The following CTNND2 variants were observed in gnomAD, a reference collection of about 807,000 sequenced individuals.
The protein encoded by CTNND2 is catenin delta 2.
CTNND2 carries 22 observed loss-of-function variants against 144.4 expected under a neutral mutation model. The ratio of observed to expected loss-of-function variants is 0.15; its 90% confidence interval spans 0.11 to 0.22. CTNND2 has a LOEUF of 0.22. CTNND2 is among the 10% of genes least tolerant of loss of function. The pLI is 1.00. For synonymous variants in CTNND2, 751 were observed against 695.6 expected (o/e 1.08, Z -1.25); for missense variants, 1,353 against 1,618.8 (o/e 0.84, Z 2.82).
chr5:11,591,986 C>G (rs530070983), intron 2 of CTNND2, among the ~76,000 whole-genome samples: 19 of 152,094 alleles, frequency 1.2e-4, no homozygotes, highest in African/African-American at 4.3e-4. Flanking sequence ...TACCCACCCC[C>G]CAACCCCTGA....
intron 16 of CTNND2, among the ~76,000 whole-genome samples, chr5:11,069,393 AAAG>A (rs1228437775): frequency 6.6e-6 from 1 of 152,178 alleles, no homozygotes; most frequent in Non-Finnish European, 1.5e-5. Flanking sequence ...AGTAGATAGA[AAAG>A]GAGGTGAAAG....
chr5:11,021,939 T>A (rs1213203334), intron 17 of CTNND2, among the ~76,000 whole-genome samples: 4 of 152,156 alleles, frequency 2.6e-5, no homozygotes, highest in Non-Finnish European at 1.5e-5. Flanking sequence ...TTAATTAAGG[T>A]TAGTGAAGGT....
intron 3 of CTNND2, among the ~76,000 whole-genome samples, chr5:11,463,453 G>A (rs1417836107): frequency 6.6e-6 from 1 of 152,106 alleles, no homozygotes; most frequent in East Asian, 1.9e-4. Flanking sequence ...AGGTTTATAA[G>A]CACATACATG....
intron 2 of CTNND2, among the ~76,000 whole-genome samples, chr5:11,582,815 A>G (rs1439131018): frequency 6.6e-6 from 1 of 152,226 alleles, no homozygotes; most frequent in African/African-American, 2.4e-5. Flanking sequence ...AGAAAGTTAT[A>G]TTAAAAACAC....
At position 10,972,283 on chromosome 5, in the gene CTNND2, C is replaced by T. The variant is rs1296662729; in HGVS notation, c.*1170G>A. On this transcript the variant is annotated 3_prime_UTR_variant, in exon 22 of 22. Transcript: ENST00000304623. Reference sequence around the variant, plus strand: ...TCAACTGGCCTAATATCCTGAGTCACTAGATGGTCAGAAGAATAGATACAG... The same window carrying T: ...TCAACTGGCCTAATATCCTGAGTCATTAGATGGTCAGAAGAATAGATACAG... 1.3e-5 allele frequency: 2 copies of T among 152,558 alleles called. No homozygotes were observed. Among genetic ancestry groups the T allele is most frequent in the East Asian group, 3.8e-4 (2 of 5,198 alleles). 9.5% of individuals were successfully genotyped at this position (152,558 alleles called of 1,614,324 possible).
At chr5:11,535,119 C>CAG (rs1408276578) in intron 3 of CTNND2, among the ~76,000 whole-genome samples, 1 of 150,118 alleles carries the variant, frequency 6.7e-6, no homozygotes, top group African/African-American at 2.5e-5. Context: ...ACCCAGGAGG[C>CAG]AGAGGTTGCA....
chr5:11,321,487 T>C (rs762878179), intron 9 of CTNND2, among the ~76,000 whole-genome samples: 1 of 152,162 alleles, frequency 6.6e-6, no homozygotes, highest in Non-Finnish European at 1.5e-5. Flanking sequence ...ACCTTCTCCA[T>C]CATGCCTGCA....
chr5:11,486,344 A>T (rs1768827284), intron 3 of CTNND2, among the ~76,000 whole-genome samples: 3 of 152,206 alleles, frequency 2.0e-5, no homozygotes, highest in Admixed American at 2.0e-4. Context: ...CTAGGTGATA[A>T]TATCCAGTAG....
chr5:11,101,676 GT>G (rs1751891728), intron 14 of CTNND2, among the ~76,000 whole-genome samples: 1 of 152,166 alleles, frequency 6.6e-6, no homozygotes, highest in East Asian at 1.9e-4. Flanking sequence ...AACTGTGTTC[GT>G]TTTGGACTAT....
At chr5:11,671,068 G>T (rs1460414865) in intron 2 of CTNND2, among the ~76,000 whole-genome samples, 1 of 152,192 alleles carries the variant, frequency 6.6e-6, no homozygotes, top group Non-Finnish European at 1.5e-5. Flanking sequence ...ATTCTGGTTT[G>T]AAAATTCTTT....
At chr5:11,045,689 G>A (rs1745168735) in intron 16 of CTNND2, among the ~76,000 whole-genome samples, 1 of 152,012 alleles carries the variant, frequency 6.6e-6, no homozygotes, top group South Asian at 2.1e-4. Flanking sequence ...TAGCCCACTT[G>A]GATAATCTAG....
chr5:11,085,815 C>T (rs1277819879), intron 15 of CTNND2, among the ~76,000 whole-genome samples: 10 of 152,260 alleles, frequency 6.6e-5, no homozygotes, highest in African/African-American at 2.4e-4. Context: ...GGACAAGCCC[C>T]CCTCCATGGA....
intron 9 of CTNND2, among the ~76,000 whole-genome samples, chr5:11,240,419 CT>C (rs1561075527): frequency 1.4e-4 from 18 of 128,948 alleles, no homozygotes; most frequent in African/African-American, 4.8e-4. Flanking sequence ...ACAACACACA[CT>C]GACACACACT....
At chr5:11,299,671 T>C (rs1749377235) in intron 9 of CTNND2, among the ~76,000 whole-genome samples, 1 of 152,160 alleles carries the variant, frequency 6.6e-6, no homozygotes, top group South Asian at 2.1e-4. Context: ...ATTCCTCCCC[T>C]CCGTGAAACT....
At chr5:11,823,184 G>C (rs891349237) in intron 1 of CTNND2, among the ~76,000 whole-genome samples, 1 of 152,074 alleles carries the variant, frequency 6.6e-6, no homozygotes, top group Non-Finnish European at 1.5e-5. Flanking sequence ...CTCAATAAAT[G>C]AGGATTAAAG....
intron 2 of CTNND2, among the ~76,000 whole-genome samples, chr5:11,695,689 G>A (rs1304763923): frequency 3.3e-5 from 5 of 152,120 alleles, no homozygotes; most frequent in Non-Finnish European, 7.4e-5. Flanking sequence ...TGAGTTTGAT[G>A]TTCTCATGCT....
chr5:11,257,988 G>A (rs1206472647), intron 9 of CTNND2, among the ~76,000 whole-genome samples: 2 of 152,112 alleles, frequency 1.3e-5, no homozygotes, highest in African/African-American at 4.8e-5. Context: ...CTGGTGCAGC[G>A]CTTTCAGTTC....
Position 11,354,512 on chromosome 5 carries a change from G to A in CTNND2, c.1373-7885C>T, listed in dbSNP as rs376141044. Among the ~76,000 whole-genome samples, 10 of 152,184 alleles carry A rather than the reference G, an allele frequency of 6.6e-5. No individual in the cohort carries two copies. The East Asian group carries it at 1.9e-3, about 29-fold the overall frequency. On this transcript the variant is annotated intron_variant, in intron 8 of 21. Transcript: ENST00000304623. ...AAAAATAAGCATTTCCATGTCAAGC[G>A]TATTCCATGCTGATCTTGATCTATT...
Position 11,384,897 on chromosome 5 carries a change from C to G in CTNND2, c.945G>C (p.Ser315=). 1 of 1,609,966 alleles carries G rather than the reference C, an allele frequency of 6.2e-7. No homozygotes were observed. The highest frequency in any genetic ancestry group is 1.1e-5 in the South Asian group (1 of 90,502). Residue 315 remains serine (S), a synonymous_variant, in exon 7 of 22, where the codon TCG becomes TCC. Transcript: ENST00000304623. The surrounding 1 kb of genome is among the most constrained non-coding windows in gnomAD (Gnocchi z 5.2). Reference sequence around the variant, plus strand: ...CCGAGGACACGACGATGTTGATGGGCGAGCTGGTGCTGTAGGACTTGGCCA... The same window carrying G: ...CCGAGGACACGACGATGTTGATGGGGGAGCTGGTGCTGTAGGACTTGGCCA... ...SRLAKSYSTS[S]PINIVVSSAG... is the part of the protein sequence containing the mutation.
Sources: allele counts gnomAD v4.1 joint callset (sites outside exome capture counted in the v4.1 genomes callset), GRCh38; gene constraint gnomAD v4.1.1; non-coding constraint Gnocchi (gnomAD v3.1); transcripts MANE v1.5; gene names NCBI Gene and HGNC (gene_info 2026-07-23, HGNC 2026-07-21).